The following MSRA variants were observed in gnomAD, a reference collection of about 807,000 sequenced individuals.
MSRA encodes the protein mitochondrial peptide methionine sulfoxide reductase.
In MSRA, 54 loss-of-function variants were observed where a neutral mutation model predicts 31.3. That is an observed-to-expected ratio of 1.73 (90% CI 1.39 to 2.17). MSRA has a LOEUF of 2.17. MSRA is among the 30% of genes most tolerant of loss of function. The probability of loss-of-function intolerance (pLI) is 0.00; values close to 1 mark genes in which losing one functional copy is unlikely to be tolerated. For missense variants in MSRA, 507 were observed against 300.9 expected (o/e 1.69, Z -5.07); for synonymous variants, 169 against 116.5 (o/e 1.45, Z -2.90).
At chr8:10,229,688 C>G (rs1310489358) in intron 2 of MSRA, among the ~76,000 whole-genome samples, 1 of 152,070 alleles carries the variant, frequency 6.6e-6, no homozygotes, top group Admixed American at 6.5e-5. Context: ...ATTCTCTTTA[C>G]TCCTAGTTTA....
intron 1 of MSRA, 121 bp from the exon 2 acceptor site, chr8:10,207,712 G>C (rs1250648912): frequency 1.2e-6 from 1 of 822,970 alleles, no homozygotes. Context: ...TCTTCAGAGG[G>C]TAAGCTTGGG....
At chr8:10,370,069 A>C (rs560372376) in intron 5 of MSRA, among the ~76,000 whole-genome samples, 53 of 152,164 alleles carry the variant, frequency 3.5e-4, no homozygotes, top group Non-Finnish European at 6.2e-4. Context: ...TTGTTTTGCC[A>C]TCATTTTTGC....
At chr8:10,208,809 C>T (rs561160323) in intron 2 of MSRA, among the ~76,000 whole-genome samples, 1 of 152,342 alleles carries the variant, frequency 6.6e-6, no homozygotes, top group African/African-American at 2.4e-5. Context: ...TTCACGCCTC[C>T]CGTAGCTTCT....
At chr8:10,197,891 G>A (rs367880518) in intron 1 of MSRA, among the ~76,000 whole-genome samples, 11 of 152,160 alleles carry the variant, frequency 7.2e-5, no homozygotes, top group African/African-American at 2.7e-4. Context: ...ATAGTTCAAG[G>A]TGCCCACAAC....
intron 5 of MSRA, among the ~76,000 whole-genome samples, chr8:10,367,496 C>T (rs745393730): frequency 6.6e-6 from 1 of 152,146 alleles, no homozygotes; most frequent in African/African-American, 2.4e-5. Flanking sequence ...GGAGGGCTTC[C>T]GTATTAGCAG....
At chr8:10,071,599 T>G (rs1386878996) in intron 1 of MSRA, among the ~76,000 whole-genome samples, 1 of 152,104 alleles carries the variant, frequency 6.6e-6, no homozygotes, top group Non-Finnish European at 1.5e-5. Flanking sequence ...ATCCTGGAGA[T>G]TTTTTCCTAT....
chr8:10,383,006 T>A (rs1806167037), intron 5 of MSRA, among the ~76,000 whole-genome samples: 1 of 152,218 alleles, frequency 6.6e-6, no homozygotes, highest in African/African-American at 2.4e-5. Context: ...CCATCACTTT[T>A]GAAATGGGCA....
chr8:10,134,419 A>G (rs533725703), intron 1 of MSRA, among the ~76,000 whole-genome samples: 1 of 152,342 alleles, frequency 6.6e-6, no homozygotes, highest in East Asian at 1.9e-4. Context: ...GTCCTGCCCC[A>G]TTAGCTGCTT....
At chr8:10,082,413 A>G (rs1798340822) in intron 1 of MSRA, among the ~76,000 whole-genome samples, 1 of 152,074 alleles carries the variant, frequency 6.6e-6, no homozygotes, top group Non-Finnish European at 1.5e-5. Flanking sequence ...TCCCTGCTTG[A>G]GGGCGAAGCT....
chr8:10,249,644 C>G (rs1007837643), intron 3 of MSRA, among the ~76,000 whole-genome samples: 2 of 152,206 alleles, frequency 1.3e-5, no homozygotes, highest in Non-Finnish European at 2.9e-5. Context: ...AGCTTCTGCA[C>G]CAGGCACCCA....
At chr8:10,426,317 C>A (rs1053964875) in intron 5 of MSRA, among the ~76,000 whole-genome samples, 1 of 152,176 alleles carries the variant, frequency 6.6e-6, no homozygotes, top group South Asian at 2.1e-4. Flanking sequence ...AGAAGGAATT[C>A]GGTGTTTACA....
chr8:10,361,890 T>A (rs1804868002), intron 5 of MSRA, among the ~76,000 whole-genome samples: 1 of 152,180 alleles, frequency 6.6e-6, no homozygotes, highest in East Asian at 1.9e-4. Context: ...GTTTTCTTAG[T>A]TTTGAACTTT....
intron 2 of MSRA, among the ~76,000 whole-genome samples, chr8:10,239,857 A>G (rs1812259135): frequency 6.6e-6 from 1 of 152,074 alleles, no homozygotes; most frequent in Non-Finnish European, 1.5e-5. Flanking sequence ...GTGTGTCCCT[A>G]CCTTTGGAGT....
chr8:10,165,631 G>C (rs914000298), intron 1 of MSRA, among the ~76,000 whole-genome samples: 1 of 152,162 alleles, frequency 6.6e-6, no homozygotes. Flanking sequence ...AAAAAGCCAT[G>C]ATATCTCTGT....
intron 1 of MSRA, among the ~76,000 whole-genome samples, chr8:10,124,684 C>T (rs1433821925): frequency 1.3e-5 from 2 of 152,140 alleles, no homozygotes; most frequent in Admixed American, 6.5e-5. Context: ...CATTTCAAAC[C>T]AAATATCCAC....
intron 1 of MSRA, among the ~76,000 whole-genome samples, chr8:10,174,219 G>C (rs1453381192): frequency 6.6e-6 from 1 of 152,112 alleles, no homozygotes; most frequent in Non-Finnish European, 1.5e-5. Context: ...GGTGTGGAGA[G>C]GTAGGAGAGG....
intron 5 of MSRA, among the ~76,000 whole-genome samples, chr8:10,406,797 C>G (rs1047576404): frequency 2.0e-5 from 3 of 152,248 alleles, no homozygotes; most frequent in African/African-American, 7.2e-5. Flanking sequence ...ACTTTCTAGG[C>G]CCTAGGAACC....
At chr8:10,056,212 A>AAC (rs1554532528) in intron 1 of MSRA, among the ~76,000 whole-genome samples, 38 of 150,822 alleles carry the variant, frequency 2.5e-4, no homozygotes, top group Admixed American at 2.0e-3. Flanking sequence ...AAAAAAAAAA[A>AAC]AAAAAAAAAC....
intron 5 of MSRA, among the ~76,000 whole-genome samples, chr8:10,332,872 G>GA (rs1463965575): frequency 6.6e-6 from 1 of 152,208 alleles, no homozygotes; most frequent in Non-Finnish European, 1.5e-5. Context: ...GGGCCAAATG[G>GA]AAAATCTGGT....
Sources: gnomAD v4.1 joint callset for allele counts (sites outside exome capture counted in the v4.1 genomes callset) on GRCh38, gnomAD v4.1.1 for gene constraint, MANE v1.5 for transcripts, NCBI Gene and HGNC (gene_info 2026-07-23, HGNC 2026-07-21) for gene names.